The following WDFY3 variants were observed in gnomAD, a reference collection of about 807,000 sequenced individuals.
WDFY3 encodes WD repeat and FYVE domain-containing protein 3.
WDFY3 carries 66 observed loss-of-function variants against 409.6 expected under a neutral mutation model. That is an observed-to-expected ratio of 0.16 (90% CI 0.13 to 0.20). The LOEUF (loss-of-function observed/expected upper bound fraction) is 0.20. Among genes scored for constraint, WDFY3 ranks in the 10% least tolerant of loss-of-function variants. The probability of loss-of-function intolerance (pLI) is 1.00; values close to 1 mark genes in which losing one functional copy is unlikely to be tolerated. For synonymous variants in WDFY3, 1,521 were observed against 1,537.1 expected, an observed-to-expected ratio of 0.99 and a Z score of 0.25; for missense variants, 3,031 against 4,298.1, an observed-to-expected ratio of 0.71 and a Z score of 8.24.
At chr4:84,680,630 C>A (rs893887432) in intron 64 of WDFY3, among the ~76,000 whole-genome samples, 4 of 152,208 alleles carry the variant, frequency 2.6e-5, no homozygotes, top group African/African-American at 4.8e-5. Context: ...GTGGGTTCCA[C>A]ATCCATGGAT....
chr4:84,716,905 A>G lies in WDFY3; in HGVS notation c.7866T>C (p.Tyr2622=), dbSNP rs1188474228. 6.3e-7 allele frequency: 1 copy of G among 1,592,908 alleles called. No homozygotes were observed. Among genetic ancestry groups the G allele is most frequent in the Non-Finnish European group, 8.6e-7 (1 of 1,169,374 alleles). Residue 2622 remains tyrosine (Y), a synonymous_variant, in exon 49 of 68, where the codon TAT becomes TAC. Coordinates refer to ENST00000295888, the MANE Select transcript of WDFY3 (RefSeq NM_014991.6). The stretch of plus-strand genomic sequence containing the variant: ...TACTAAATTGACTCACCTGCAGGAG[A>G]TATCTCCTTTTATGAACTTCCTTGA... ...EDIKEVHKRR[Y]LLQPIAVEVF... is the part of the protein sequence containing the mutation.
At chr4:84,770,840 C>A (rs978470043) in intron 30 of WDFY3, among the ~76,000 whole-genome samples, 18 of 152,136 alleles carry the variant, frequency 1.2e-4, no homozygotes, top group Non-Finnish European at 2.9e-5. Context: ...CTTACTGCCA[C>A]AGTTTTCATT....
chr4:84,696,000 G>A lies in WDFY3; in HGVS notation c.8871C>T (p.Phe2957=). The change falls in exon 58 of 68, where the codon TTC becomes TTT. Residue 2957 remains phenylalanine (F), a synonymous_variant. Transcript: ENST00000295888. ...DPLKETATIG[F]INNFGQIPKQ... is the part of the protein sequence containing the mutation. Reference sequence around the variant, plus strand: ...TAGGGATCTGACCGAAGTTATTAATGAACCCAATTGTGGCTGTCTCCTTTA... The same window carrying A: ...TAGGGATCTGACCGAAGTTATTAATAAACCCAATTGTGGCTGTCTCCTTTA... The A allele has an allele frequency of 6.2e-7, 1 of 1,614,160 alleles. No homozygotes were observed. The highest frequency in any genetic ancestry group is 8.5e-7 in the Non-Finnish European group (1 of 1,180,016).
intron 13 of WDFY3, among the ~76,000 whole-genome samples, chr4:84,813,819 T>C (rs1752874813): frequency 6.6e-6 from 1 of 152,208 alleles, no homozygotes; most frequent in Non-Finnish European, 1.5e-5. Flanking sequence ...AAGCCATCTA[T>C]GTTCTCCCAA....
At chr4:84,843,748 G>A (rs949769735) in intron 5 of WDFY3, among the ~76,000 whole-genome samples, 1 of 152,102 alleles carries the variant, frequency 6.6e-6, no homozygotes, top group Admixed American at 6.6e-5. Flanking sequence ...CATTTTAAAA[G>A]TATATAGCAT....
intron 1 of WDFY3, among the ~76,000 whole-genome samples, chr4:84,947,423 A>T (rs1260187367): frequency 6.7e-6 from 1 of 148,462 alleles, no homozygotes. Context: ...GAGGCAGGAG[A>T]ATCGCTTGAA....
At chr4:84,756,736 T>C (rs1025651617) in intron 33 of WDFY3, among the ~76,000 whole-genome samples, 190 bp downstream of exon 33, 1 of 151,826 alleles carries the variant, frequency 6.6e-6, no homozygotes, top group Non-Finnish European at 1.5e-5. Flanking sequence ...TAGGAAAAAA[T>C]TGTAAATAGG....
chr4:84,947,747 T>C (rs964402858), intron 1 of WDFY3, among the ~76,000 whole-genome samples: 3 of 144,404 alleles, frequency 2.1e-5, no homozygotes, highest in Admixed American at 6.9e-5. Flanking sequence ...CCAGGCATGG[T>C]GGCATGTGCC....
intron 67 of WDFY3, among the ~76,000 whole-genome samples, chr4:84,673,407 G>A (rs751602014): frequency 2.0e-5 from 3 of 151,916 alleles, no homozygotes; most frequent in Admixed American, 1.3e-4. Context: ...ACTCACTAGC[G>A]GAAATTAGAA....
intron 4 of WDFY3, among the ~76,000 whole-genome samples, chr4:84,857,012 T>C (rs1421752329): frequency 6.6e-6 from 1 of 152,208 alleles, no homozygotes; most frequent in Non-Finnish European, 1.5e-5. Flanking sequence ...ATCCAATTAA[T>C]AAGAATTATT....
In WDFY3 at chr4:84,937,683, A is replaced by G. The variant is rs528566027; in HGVS notation, c.-225-5320T>C. Reference sequence around the variant, plus strand: ...TCCCAAAATCTCCCAGTGGCTTCCCATCTCACTCAGAGTAGGCCATTTTTT... The same window carrying G: ...TCCCAAAATCTCCCAGTGGCTTCCCGTCTCACTCAGAGTAGGCCATTTTTT... On this transcript the variant is annotated intron_variant, in intron 1 of 67. Coordinates refer to ENST00000295888, the MANE Select transcript of WDFY3 (RefSeq NM_014991.6). Among the ~76,000 whole-genome samples, 28 of 152,290 alleles carry G rather than the reference A, an allele frequency of 1.8e-4. No homozygotes were observed. The South Asian group carries it at 5.0e-3, about 27-fold the overall frequency.
chr4:84,700,150 C>T (rs1047839198), intron 56 of WDFY3, among the ~76,000 whole-genome samples: 2 of 151,898 alleles, frequency 1.3e-5, no homozygotes, highest in African/African-American at 4.8e-5. Context: ...AAGATTTACC[C>T]CTATGTTTTC....
Position 84,853,709 on chromosome 4 carries a change from ATCCTGATGTTTAC to A in WDFY3, c.181-3697_181-3685del, listed in dbSNP as rs1256646743. ...AAAATGCCAGTAACTTTTTACACAAATCCTGATGTTTACTGCTTTATTTCCTCTAAGAAATGTT... is the reference window on the plus strand; with the variant it reads ...AAAATGCCAGTAACTTTTTACACAAATGCTTTATTTCCTCTAAGAAATGTT... On this transcript the variant is annotated intron_variant, in intron 4 of 67. Coordinates refer to ENST00000295888, the MANE Select transcript of WDFY3 (RefSeq NM_014991.6). Among the ~76,000 whole-genome samples, 6 of 152,216 alleles carry A rather than the reference ATCCTGATGTTTAC, an allele frequency of 3.9e-5. No individual in the cohort carries two copies. In the East Asian group the frequency reaches 1.2e-3, roughly 29 times the overall value.
chr4:84,681,292 C>T (rs1256737485), intron 64 of WDFY3, among the ~76,000 whole-genome samples: 2 of 152,172 alleles, frequency 1.3e-5, no homozygotes, highest in Non-Finnish European at 2.9e-5. Context: ...CTGTTATTTA[C>T]TTAAAAGCTT....
intron 49 of WDFY3, among the ~76,000 whole-genome samples, chr4:84,716,549 C>A (rs1236082538): frequency 6.6e-6 from 1 of 151,576 alleles, no homozygotes; most frequent in Non-Finnish European, 1.5e-5. Flanking sequence ...GTAATCCCAG[C>A]ACTTTGGGAG....
chr4:84,921,244 T>C (rs992725768), intron 2 of WDFY3, among the ~76,000 whole-genome samples: 1 of 152,074 alleles, frequency 6.6e-6, no homozygotes, highest in African/African-American at 2.4e-5. Context: ...ATATGTTCAG[T>C]GCCTTTTATA....
Position 84,741,747 on chromosome 4 carries a change from T to C in WDFY3, c.6234+14A>G, listed in dbSNP as rs1327334184. The C allele has an allele frequency of 6.3e-7, 1 of 1,595,696 alleles. No individual in the cohort carries two copies. Among genetic ancestry groups the C allele is most frequent in the Admixed American group, 1.7e-5 (1 of 58,858 alleles). On this transcript the variant is annotated intron_variant, in intron 38 of 67. Coordinates refer to ENST00000295888, the MANE Select transcript of WDFY3 (RefSeq NM_014991.6). The stretch of plus-strand genomic sequence containing the variant: ...AAAACATGTACTCTACAACTGATAG[T>C]GACAATGGATTACCTGTGCAATTAG...
chr4:84,850,754 A>G (rs1420445814), intron 4 of WDFY3, among the ~76,000 whole-genome samples: 1 of 152,040 alleles, frequency 6.6e-6, no homozygotes, highest in African/African-American at 2.4e-5. Flanking sequence ...CACTAAACTC[A>G]TTTCATGTCT....
At chr4:84,960,356 T>C (rs1774754105) in intron 1 of WDFY3, among the ~76,000 whole-genome samples, 1 of 152,188 alleles carries the variant, frequency 6.6e-6, no homozygotes, top group South Asian at 2.1e-4. Flanking sequence ...CCACACCATA[T>C]GTACCTACCT....
Sources: gnomAD v4.1 joint callset for allele counts (sites outside exome capture counted in the v4.1 genomes callset) on GRCh38, gnomAD v4.1.1 for gene constraint, MANE v1.5 for transcripts, NCBI Gene and HGNC (gene_info 2026-07-23, HGNC 2026-07-21) for gene names.